Variants in EPHA6 observed in about 807,000 individuals in gnomAD.
The protein encoded by EPHA6 is ephrin type-A receptor 6.
Under a neutral mutation model 112.0 loss-of-function variants are expected in EPHA6, and 50 were observed. The observed-to-expected ratio is 0.45, with a 90% CI of 0.36 to 0.56. The LOEUF (loss-of-function observed/expected upper bound fraction) is 0.56. Among genes scored for constraint, EPHA6 ranks in the 20% least tolerant of loss-of-function variants. EPHA6 has a pLI of 0.00. For missense variants in EPHA6, 1,280 were observed against 1,417.4 expected (o/e 0.90, Z 1.56); for synonymous variants, 529 against 490.7 (o/e 1.08, Z -1.03).
At chr3:97,061,683 C>A (rs1247869260) in intron 3 of EPHA6, among the ~76,000 whole-genome samples, 1 of 152,128 alleles carries the variant, frequency 6.6e-6, no homozygotes, top group Non-Finnish European at 1.5e-5. Context: ...CTGAAAGTGG[C>A]TATCTCTGAA....
At chr3:96,896,761 A>T (rs1306553324) in intron 2 of EPHA6, among the ~76,000 whole-genome samples, 2 of 152,216 alleles carry the variant, frequency 1.3e-5, no homozygotes, top group Non-Finnish European at 2.9e-5. Context: ...GAAATTCAAC[A>T]TAACAAAAAG....
chr3:97,693,557 C>T (rs1294597343), intron 14 of EPHA6, among the ~76,000 whole-genome samples: 4 of 152,080 alleles, frequency 2.6e-5, no homozygotes. Context: ...GATGTAATCC[C>T]AGCACTTTGG....
Position 97,409,993 on chromosome 3 carries a change from C to T in EPHA6, c.1731+4719C>T, listed in dbSNP as rs2087607385. On this transcript the variant is annotated intron_variant, in intron 6 of 17. Transcript: ENST00000389672. ...TAATTAAAAATAAATAATGTTGTGA[C>T]ACTGAGGACAGTGTATTATTTAAAA... is the stretch of plus-strand genomic sequence containing the variant. 2.6e-5 allele frequency among the ~76,000 whole-genome samples: 4 copies of T among 152,088 alleles called. 1 individual carries two copies. In the East Asian group the frequency reaches 7.7e-4, roughly 29 times the overall value.
chr3:97,113,404 A>C (rs2047781999), intron 3 of EPHA6, among the ~76,000 whole-genome samples: 2 of 152,116 alleles, frequency 1.3e-5, no homozygotes, highest in South Asian at 4.1e-4. Context: ...CTGTGAAGCT[A>C]AATGGCAGTT....
intron 5 of EPHA6, among the ~76,000 whole-genome samples, chr3:97,273,851 G>A (rs1055376328): frequency 2.6e-5 from 4 of 152,142 alleles, no homozygotes; most frequent in African/African-American, 7.2e-5. Flanking sequence ...TGTAGGAAAG[G>A]CCTCTACCCA....
Position 97,747,433 on chromosome 3 carries a change from T to A in EPHA6, c.3139T>A (p.Ser1047Thr), listed in dbSNP as rs533657203. Residue 1047 changes from serine (S) to threonine (T), a missense_variant, in exon 17 of 18, where the codon TCC becomes ACC. Physicochemically the swap from Ser to Thr is moderately conservative, Grantham distance 58. Coordinates refer to ENST00000389672, the MANE Select transcript of EPHA6 (RefSeq NM_001080448.3). ...LVEDILVMPESPGEVPEYPLF... is the reference protein window; with the variant it reads ...LVEDILVMPETPGEVPEYPLF... The stretch of plus-strand genomic sequence containing the variant: ...TTTGTTTTCTTACAGAATGCCAGAG[T>A]CCCCTGGTGAAGTTCCGGAATATCC... 3.8e-4 allele frequency: 599 copies of A among 1,556,284 alleles called. 6 individuals carry two copies. The South Asian group carries it at 6.7e-3, about 17-fold the overall frequency.
chr3:97,454,975 G>C (rs1050713003), intron 7 of EPHA6, among the ~76,000 whole-genome samples: 1 of 151,902 alleles, frequency 6.6e-6, no homozygotes, highest in African/African-American at 2.4e-5. Flanking sequence ...TTAATTTAAA[G>C]TAATCTCCAG....
chr3:96,816,543 G>C (rs1437982281), intron 1 of EPHA6, among the ~76,000 whole-genome samples: 1 of 152,058 alleles, frequency 6.6e-6, no homozygotes, highest in East Asian at 1.9e-4. Flanking sequence ...TTAATAATTG[G>C]AAAGTCAGAC....
intron 2 of EPHA6, among the ~76,000 whole-genome samples, chr3:96,935,861 G>C (rs890105034): frequency 2.0e-5 from 3 of 151,612 alleles, no homozygotes; most frequent in Admixed American, 1.3e-4. Flanking sequence ...TATTTATATT[G>C]AGGATATTAT....
intron 14 of EPHA6, 58 bp from the exon 15 acceptor site, chr3:97,720,203 C>T (rs1181960090): frequency 2.9e-6 from 4 of 1,381,342 alleles, no homozygotes; most frequent in African/African-American, 2.9e-5. Flanking sequence ...AATTGGAATA[C>T]CATTTTGTTT....
At chr3:96,888,728 G>A (rs1251454331) in intron 2 of EPHA6, among the ~76,000 whole-genome samples, 1 of 152,174 alleles carries the variant, frequency 6.6e-6, no homozygotes, top group East Asian at 1.9e-4. Context: ...GATGGGAGGA[G>A]CTGCTGTAAA....
At chr3:97,286,301 A>C (rs180899991) in intron 5 of EPHA6, among the ~76,000 whole-genome samples, 1 of 152,162 alleles carries the variant, frequency 6.6e-6, no homozygotes, top group Non-Finnish European at 1.5e-5. Flanking sequence ...TTAACCATAA[A>C]ATCTTTGGCT....
At chr3:96,990,216 G>C (rs1216161760) in intron 3 of EPHA6, among the ~76,000 whole-genome samples, 1 of 152,032 alleles carries the variant, frequency 6.6e-6, no homozygotes, top group African/African-American at 2.4e-5. Context: ...GTGATGTCTA[G>C]ATTTTTTTTT....
rs1233863494 is a variant in EPHA6, at chr3:97,103,785, A to G, written c.1114+115792A>G. 3.3e-5 allele frequency among the ~76,000 whole-genome samples: 5 copies of G among 152,042 alleles called. No homozygotes were observed. In the East Asian group the frequency reaches 9.6e-4, roughly 29 times the overall value. ...TGATTTCTCCTATACATGATCATGG[A>G]ACGTTTTCCATTTTTTTGTTTCATC... On this transcript the variant is annotated intron_variant, in intron 3 of 17. Coordinates refer to ENST00000389672, the MANE Select transcript of EPHA6 (RefSeq NM_001080448.3).
At chr3:97,708,896 G>A (rs1488828604) in intron 14 of EPHA6, among the ~76,000 whole-genome samples, 1 of 152,190 alleles carries the variant, frequency 6.6e-6, no homozygotes, top group African/African-American at 2.4e-5. Flanking sequence ...CTGCAGGTGT[G>A]CAGAAGACAA....
chr3:97,179,244 A>T (rs1349328534), intron 3 of EPHA6, among the ~76,000 whole-genome samples: 4 of 152,006 alleles, frequency 2.6e-5, no homozygotes, highest in Non-Finnish European at 5.9e-5. Context: ...CAACCTCTTT[A>T]TTAAATTTTT....
intron 1 of EPHA6, among the ~76,000 whole-genome samples, chr3:96,851,321 T>C (rs1650850592): frequency 6.6e-6 from 1 of 152,186 alleles, no homozygotes; most frequent in African/African-American, 2.4e-5. Context: ...TAAACAAATG[T>C]ATGCAAAGTT....
intron 3 of EPHA6, among the ~76,000 whole-genome samples, chr3:97,185,512 T>C (rs1391123008): frequency 5.9e-5 from 9 of 151,934 alleles, no homozygotes; most frequent in Non-Finnish European, 1.3e-4. Context: ...AAAACCACAA[T>C]GAGATACCAT....
At chr3:97,655,422 A>C (rs2094132122) in intron 14 of EPHA6, among the ~76,000 whole-genome samples, 2 of 151,794 alleles carry the variant, frequency 1.3e-5, no homozygotes, top group African/African-American at 4.8e-5. Context: ...CGGCAGTTGA[A>C]AGTCTTTGAA....
Sources: gnomAD v4.1 joint callset for allele counts (sites outside exome capture counted in the v4.1 genomes callset) on GRCh38, gnomAD v4.1.1 for gene constraint, MANE v1.5 for transcripts, NCBI Gene and HGNC (gene_info 2026-07-23, HGNC 2026-07-21) for gene names.